The following PALLD variants were observed in gnomAD, a reference collection of about 807,000 sequenced individuals.
The protein encoded by PALLD is palladin.
Under a neutral mutation model 123.5 loss-of-function variants are expected in PALLD, and 61 were observed. That is an observed-to-expected ratio of 0.49 (90% confidence interval 0.40 to 0.61). The LOEUF (loss-of-function observed/expected upper bound fraction) is 0.61. PALLD is among the 20% of genes least tolerant of loss of function. The probability of loss-of-function intolerance (pLI) is 0.00; values close to 1 mark genes in which losing one functional copy is unlikely to be tolerated. For missense variants in PALLD, 1,273 were observed against 1,377.0 expected (o/e 0.92, Z 1.20); for synonymous variants, 465 against 496.4 (o/e 0.94, Z 0.84).
rs758475130 is a variant in PALLD at position 168,512,054 on chromosome 4, A to G, written c.550A>G (p.Lys184Glu). 2 of 1,614,232 alleles carry G rather than the reference A, an allele frequency of 1.2e-6. No homozygotes were observed. Among genetic ancestry groups the G allele is most frequent in the Non-Finnish European group, 8.5e-7 (1 of 1,180,040 alleles). ...NLIEELTSIFKAAKPRNRSPN... is the reference protein window; with the variant it reads ...NLIEELTSIFEAAKPRNRSPN... ...AATTGAGGAGCTAACATCCATATTT[A>G]AAGCCGCAAAGCCAAGAAACAGAAG... Residue 184 changes from lysine (K) to glutamate (E), a missense_variant, in exon 2 of 22, where the codon AAA becomes GAA. This residue lies in a region of PALLD where 944 missense variants were observed against 954.5 expected (regional missense o/e 0.99). Coordinates refer to ENST00000505667, the MANE Select transcript of PALLD (RefSeq NM_001166108.2).
chr4:168,512,212 C>T lies in PALLD; in HGVS notation c.708C>T (p.Ser236=), dbSNP rs763863008. The T allele has an allele frequency of 1.9e-6, 3 of 1,613,786 alleles. No homozygotes were observed. The South Asian group carries it at 3.3e-5, about 18-fold the overall frequency. The change falls in exon 2 of 22, where the codon TCC becomes TCT. Residue 236 remains serine (S), a synonymous_variant. Transcript: ENST00000505667. ...GGGAGATGGAAAGAGAGGTCAAGTCCCCTGGGGCCAGGCATTGCTACCAGG... is the reference window on the plus strand; with the variant it reads ...GGGAGATGGAAAGAGAGGTCAAGTCTCCTGGGGCCAGGCATTGCTACCAGG... ...DQGEMEREVK[S]PGARHCYQDN...
chr4:168,625,502 G>GATAGATAGATAGATAGATAGAT, intron 2 of PALLD, among the ~76,000 whole-genome samples: 4 of 114,474 alleles, frequency 3.5e-5, no homozygotes, highest in Non-Finnish European at 3.6e-5. Context: ...ATATCCAGGA[G>GATAGATAGATAGATAGATAGAT]ATATATATAT....
Position 168,554,153 on chromosome 4 carries a change from G to C in PALLD, c.908+41741G>C, listed in dbSNP as rs143507397. Among the ~76,000 whole-genome samples, 71 of 152,124 alleles carry C rather than the reference G, an allele frequency of 4.7e-4. 1 individual carries two copies. The highest frequency in any genetic ancestry group is 9.3e-4 in the Non-Finnish European group (63 of 67,982). ...AAGCCCGGTAGCTCTGTTTTATGAG[G>C]GTAGGAAACATCTGGTCACCATTGT... On this transcript the variant is annotated intron_variant, in intron 2 of 21. Transcript: ENST00000505667.
chr4:168,504,593 C>CAA (rs60824764), intron 1 of PALLD, among the ~76,000 whole-genome samples: 2,597 of 136,436 alleles, frequency 0.019, 76 homozygotes, highest in East Asian at 0.054. Flanking sequence ...GACTCCAACT[C>CAA]AAAAAAAAAA....
At chr4:168,589,757 A>G (rs2149684030) in intron 2 of PALLD, among the ~76,000 whole-genome samples, 1 of 152,336 alleles carries the variant, frequency 6.6e-6, no homozygotes, top group South Asian at 2.1e-4. Flanking sequence ...AACTGAAAGA[A>G]TCAAGCCTAA....
intron 2 of PALLD, among the ~76,000 whole-genome samples, chr4:168,544,040 C>T (rs142983159): frequency 1.0e-3 from 156 of 152,272 alleles, no homozygotes; most frequent in African/African-American, 3.6e-3. Context: ...ATACTGAAAA[C>T]AAATTTCTTG....
intron 10 of PALLD, among the ~76,000 whole-genome samples, chr4:168,849,048 A>G (rs11934803): frequency 0.75 from 114,581 of 152,150 alleles, 45,108 homozygotes; most frequent in Non-Finnish European, 0.86. Flanking sequence ...AAAGCAGGAT[A>G]TACTGCTTCA....
intron 8 of PALLD, among the ~76,000 whole-genome samples, chr4:168,701,590 C>G (rs1488887441): frequency 6.6e-6 from 1 of 152,162 alleles, no homozygotes; most frequent in East Asian, 1.9e-4. Flanking sequence ...TTATATTATC[C>G]CTACTGAATA....
At position 168,690,556 on chromosome 4, in the gene PALLD, T is replaced by C. The variant is rs747276217; in HGVS notation, c.1336-47T>C. ...TCTGTGTTGTGAAATTGCTTAAAAA[T>C]GCACCAAAGTCTGATGGGGTTTTCC... On this transcript the variant is annotated intron_variant, in intron 6 of 21. Transcript: ENST00000505667. The C allele has an allele frequency of 1.9e-5, 30 of 1,612,818 alleles. No homozygotes were observed. In the Admixed American group the frequency reaches 5.0e-4, roughly 27 times the overall value.
At chr4:168,889,271 C>T (rs142818337) in intron 10 of PALLD, among the ~76,000 whole-genome samples, 3 of 150,634 alleles carry the variant, frequency 2.0e-5, no homozygotes, top group African/African-American at 7.3e-5. Flanking sequence ...TCAAGCAATT[C>T]TCATACCCCA....
intron 10 of PALLD, among the ~76,000 whole-genome samples, chr4:168,842,242 C>T (rs1746139754): frequency 6.6e-6 from 1 of 152,204 alleles, no homozygotes; most frequent in Admixed American, 6.5e-5. Flanking sequence ...AACAATTTCA[C>T]TTTTATTGGT....
chr4:168,905,245 C>T lies in PALLD; in HGVS notation c.2622+1339C>T, dbSNP rs550115769. ...GGCTCACTGCAAGCTCCGCCTCCTG[C>T]GTTCACACCATTCTCCTGCCTCAGC... is the stretch of plus-strand genomic sequence containing the variant. On this transcript the variant is annotated intron_variant, in intron 15 of 21. Transcript: ENST00000505667. 4.3e-5 allele frequency among the ~76,000 whole-genome samples: 6 copies of T among 140,464 alleles called. No individual in the cohort carries two copies. In the East Asian group the frequency reaches 7.2e-4, roughly 17 times the overall value. The allele number at this position is 140,464 out of a possible 152,430, so 92.1% of individuals were successfully genotyped here. A position where few individuals can be genotyped will look rare whatever the true frequency, so the allele number is the denominator to read the frequency against.
In PALLD at chr4:168,622,374, T is replaced by A. The variant is rs144041899; in HGVS notation, c.909-45816T>A. 3.0e-3 allele frequency among the ~76,000 whole-genome samples: 461 copies of A among 152,340 alleles called. 2 individuals carry two copies. The highest frequency in any genetic ancestry group is 0.01 in the African/African-American group (431 of 41,576). On this transcript the variant is annotated intron_variant, in intron 2 of 21. Transcript: ENST00000505667. ...GATTTTTATGAAGCCTTGAAGAATG[T>A]TCAGAATTCCAGTCTTGCTCAAACA...
At chr4:168,837,702 G>A (rs1745399486) in intron 10 of PALLD, among the ~76,000 whole-genome samples, 1 of 152,212 alleles carries the variant, frequency 6.6e-6, no homozygotes, top group Non-Finnish European at 1.5e-5. Flanking sequence ...AAGAGGGTAA[G>A]TAATTTGTCA....
intron 10 of PALLD, among the ~76,000 whole-genome samples, chr4:168,858,583 G>C (rs952941328): frequency 1.3e-5 from 2 of 151,934 alleles, no homozygotes; most frequent in African/African-American, 4.8e-5. Context: ...AGGAATTGGA[G>C]ACCAGCTTGG....
chr4:168,906,745 C>T (rs1051638302), intron 15 of PALLD, among the ~76,000 whole-genome samples: 1 of 152,118 alleles, frequency 6.6e-6, no homozygotes, highest in African/African-American at 2.4e-5. Flanking sequence ...CCATCTCAGC[C>T]TCCCAAAGCA....
Position 168,903,772 on chromosome 4 carries a change from G to C in PALLD, c.2488G>C (p.Asp830His). Residue 830 changes from aspartate (D) to histidine (H), a missense_variant, in exon 15 of 22, where the codon GAT becomes CAT. Around this residue, in one of 2 missense-constraint regions of PALLD, gnomAD observed 329 missense variants for 422.5 expected, o/e 0.78. Transcript: ENST00000505667. The part of the protein sequence containing the change: ...NPKPKIYWFK[D>H]GKQISPKSDH... ...CTATTCACAGATCTATTGGTTTAAA[G>C]ATGGGAAGCAGATCTCTCCAAAGAG... The C allele has an allele frequency of 1.2e-6, 2 of 1,612,494 alleles. No homozygotes were observed. Among genetic ancestry groups the C allele is most frequent in the Non-Finnish European group, 1.7e-6 (2 of 1,178,618 alleles).
chr4:168,924,203 T>G, intron 18 of PALLD, 52 bp from the exon 19 acceptor site: 2 of 1,514,218 alleles, frequency 1.3e-6, no homozygotes, highest in Non-Finnish European at 1.8e-6. Flanking sequence ...GAATTCTTTC[T>G]AGTGCTCCTT....
intron 2 of PALLD, among the ~76,000 whole-genome samples, chr4:168,572,537 C>T (rs1040571288): frequency 1.3e-5 from 2 of 151,988 alleles, no homozygotes; most frequent in South Asian, 2.1e-4. Flanking sequence ...TAGGTGTGGA[C>T]GTTTAATAGG....
Sources: allele counts gnomAD v4.1 joint callset (sites outside exome capture counted in the v4.1 genomes callset), GRCh38; gene constraint gnomAD v4.1.1; regional missense constraint gnomAD v4.1.1; transcripts MANE v1.5; gene names NCBI Gene and HGNC (gene_info 2026-07-23, HGNC 2026-07-21).